The following EGFLAM variants were observed in gnomAD, a reference collection of about 807,000 sequenced individuals.
EGFLAM encodes pikachurin.
Under a neutral mutation model 113.1 loss-of-function variants are expected in EGFLAM, and 79 were observed. That is an observed-to-expected ratio of 0.70 (90% CI 0.58 to 0.84). The LOEUF (loss-of-function observed/expected upper bound fraction) is 0.84. Among genes scored for constraint, EGFLAM ranks in the 40% least tolerant of loss-of-function variants. The pLI is 0.00. For missense variants in EGFLAM, 1,265 were observed against 1,291.6 expected, an observed-to-expected ratio of 0.98 and a Z score of 0.32; for synonymous variants, 504 against 487.6, an observed-to-expected ratio of 1.03 and a Z score of -0.44.
rs549828494 is a variant in EGFLAM, at chr5:38,399,441, C to G, written c.713-6685C>G. Among the ~76,000 whole-genome samples, 8 of 152,100 alleles carry G rather than the reference C, an allele frequency of 5.3e-5. No homozygotes were observed. The South Asian group carries it at 1.7e-3, about 32-fold the overall frequency. ...CACAGACACATGCCACTATGCCTGG[C>G]TAATTTTTGTATTTTTGTTAGATAT... is the stretch of plus-strand genomic sequence containing the variant. On this transcript the variant is annotated intron_variant, in intron 6 of 21. Transcript: ENST00000322350.
chr5:38,310,924 G>T (rs1738424913), intron 1 of EGFLAM, among the ~76,000 whole-genome samples: 1 of 151,946 alleles, frequency 6.6e-6, no homozygotes. Context: ...CCTTGTGATG[G>T]GGACAGCCCT....
At chr5:38,336,570 T>TACACACACACAC (rs148241267) in intron 1 of EGFLAM, among the ~76,000 whole-genome samples, 8,684 of 142,134 alleles carry the variant, frequency 0.061, 319 homozygotes, top group Middle Eastern at 0.086. Context: ...TGAGACTCCG[T>TACACACACACAC]ACACACACAC....
At chr5:38,430,988 C>T (rs2731966) in intron 14 of EGFLAM, among the ~76,000 whole-genome samples, 189 bp from the exon 15 acceptor site, 18,695 of 152,142 alleles carry the variant, frequency 0.12, 2,846 homozygotes, top group African/African-American at 0.36. Context: ...TCAGAGCCTC[C>T]GCAGATTCCA....
At position 38,457,234 on chromosome 5, in the gene EGFLAM, T is replaced by A. The variant is rs185153834; in HGVS notation, c.2688-1077T>A. Reference sequence around the variant, plus strand: ...CCTACTCTGCAATGTTCATTTTTTTTTAAAAAGTGAAAACAGATGCATTCA... The same window carrying A: ...CCTACTCTGCAATGTTCATTTTTTTATAAAAAGTGAAAACAGATGCATTCA... On this transcript the variant is annotated intron_variant, in intron 19 of 21. Transcript: ENST00000322350. Among the ~76,000 whole-genome samples, 617 of 152,304 alleles carry A rather than the reference T, an allele frequency of 4.1e-3. 5 individuals carry two copies. Among genetic ancestry groups the A allele is most frequent in the African/African-American group, 0.013 (560 of 41,554 alleles).
chr5:38,350,992 T>C (rs897227313), intron 4 of EGFLAM, among the ~76,000 whole-genome samples: 1 of 152,108 alleles, frequency 6.6e-6, no homozygotes, highest in African/African-American at 2.4e-5. Flanking sequence ...AACTAATGTT[T>C]ATTGAGGTGA....
At chr5:38,415,430 T>TC (rs1210133999) in intron 11 of EGFLAM, among the ~76,000 whole-genome samples, 1 of 151,984 alleles carries the variant, frequency 6.6e-6, no homozygotes, top group Non-Finnish European at 1.5e-5. Flanking sequence ...CGCCTATAAT[T>TC]CCCACACTTT....
At chr5:38,280,811 T>C (rs1306361092) in intron 1 of EGFLAM, among the ~76,000 whole-genome samples, 2 of 152,226 alleles carry the variant, frequency 1.3e-5, no homozygotes, top group African/African-American at 4.8e-5. Context: ...TACTACTGCT[T>C]TGTAATACAT....
Position 38,428,999 on chromosome 5 carries a change from A to G in EGFLAM, c.2054+1747A>G, listed in dbSNP as rs376211388. On this transcript the variant is annotated intron_variant, in intron 14 of 21. Transcript: ENST00000322350. ...TTACTCTTGGTGTTTCAGATGCCCC[A>G]TTGGAAGCTGTTTATTTTGAAAACC... Among the ~76,000 whole-genome samples the G allele has an allele frequency of 8.7e-4, 133 of 152,308 alleles. 1 individual carries two copies. The South Asian group carries it at 0.015, about 17-fold the overall frequency.
At chr5:38,393,651 G>A (rs950657628) in intron 6 of EGFLAM, among the ~76,000 whole-genome samples, 11 of 152,224 alleles carry the variant, frequency 7.2e-5, no homozygotes, top group African/African-American at 2.4e-4. Flanking sequence ...TCAGCCCACC[G>A]CTGGCCAGTC....
intron 1 of EGFLAM, among the ~76,000 whole-genome samples, chr5:38,328,225 G>C (rs1305102466): frequency 6.6e-6 from 1 of 152,118 alleles, no homozygotes; most frequent in Non-Finnish European, 1.5e-5. Flanking sequence ...AGGAACACAG[G>C]GGGAAGTGCC....
chr5:38,348,185 C>T (rs2111975758), intron 3 of EGFLAM, among the ~76,000 whole-genome samples: 1 of 152,166 alleles, frequency 6.6e-6, no homozygotes, highest in South Asian at 2.1e-4. Flanking sequence ...GGTAGATGTT[C>T]AAGAGGCCCT....
At chr5:38,358,979 T>C (rs1739848002) in intron 5 of EGFLAM, among the ~76,000 whole-genome samples, 1 of 152,192 alleles carries the variant, frequency 6.6e-6, no homozygotes, top group African/African-American at 2.4e-5. Context: ...AAAATTTCTT[T>C]GGGGGCAGCA....
intron 5 of EGFLAM, among the ~76,000 whole-genome samples, chr5:38,353,912 A>G (rs1287642884): frequency 2.6e-5 from 4 of 152,298 alleles, no homozygotes; most frequent in South Asian, 2.1e-4. Context: ...CAAAATCTCA[A>G]TATTTATTCT....
chr5:38,301,387 C>T (rs1423734225), intron 1 of EGFLAM, among the ~76,000 whole-genome samples: 1 of 152,066 alleles, frequency 6.6e-6, no homozygotes, highest in Admixed American at 6.5e-5. Flanking sequence ...TAAGCAAAGG[C>T]AGAGGACACC....
intron 21 of EGFLAM, among the ~76,000 whole-genome samples, chr5:38,463,445 G>A (rs1176120823): frequency 3.9e-5 from 6 of 152,104 alleles, no homozygotes; most frequent in Admixed American, 6.6e-5. Flanking sequence ...GAAAGCATTC[G>A]ACATCAGTGC....
At chr5:38,325,236 A>G (rs1738848318) in intron 1 of EGFLAM, among the ~76,000 whole-genome samples, 1 of 152,162 alleles carries the variant, frequency 6.6e-6, no homozygotes, top group South Asian at 2.1e-4. Flanking sequence ...TCACTGTCCC[A>G]TTGACAAGAT....
chr5:38,371,919 A>G (rs1561053261), intron 6 of EGFLAM, among the ~76,000 whole-genome samples: 1 of 152,062 alleles, frequency 6.6e-6, no homozygotes, highest in Non-Finnish European at 1.5e-5. Flanking sequence ...GTGAGCAGCC[A>G]CTTGGTGCTG....
rs143832157 is a variant in EGFLAM at position 38,464,428 on chromosome 5, C to T, written c.*442C>T. 1,505 of 168,868 alleles carry T rather than the reference C, an allele frequency of 8.9e-3. 11 individuals are homozygous for T. Among genetic ancestry groups the T allele is most frequent in the Non-Finnish European group, 0.014 (1,111 of 78,154 alleles). 10.5% of individuals were successfully genotyped at this position (168,868 alleles called of 1,614,324 possible). The stretch of plus-strand genomic sequence containing the variant: ...TCCTGACAGCAGAATGACTGTGTGA[C>T]CTTGAACTTCACATTTCCCACATTG... On this transcript the variant is annotated 3_prime_UTR_variant, in exon 22 of 22. Transcript: ENST00000322350.
intron 1 of EGFLAM, among the ~76,000 whole-genome samples, chr5:38,299,256 T>C (rs1367419945): frequency 2.6e-5 from 4 of 152,190 alleles, no homozygotes; most frequent in African/African-American, 9.7e-5. Flanking sequence ...CAGGTGCTCA[T>C]TACTGTGGAA....
Sources: allele counts gnomAD v4.1 joint callset (sites outside exome capture counted in the v4.1 genomes callset), GRCh38; gene constraint gnomAD v4.1.1; transcripts MANE v1.5; gene names NCBI Gene and HGNC (gene_info 2026-07-23, HGNC 2026-07-21).